The following DLGAP2 variants were observed in gnomAD, a reference collection of about 807,000 sequenced individuals.
The protein encoded by DLGAP2 is disks large-associated protein 2.
Under a neutral mutation model 100.3 loss-of-function variants are expected in DLGAP2, and 26 were observed. The observed-to-expected ratio is 0.26, with a 90% CI of 0.19 to 0.36. The LOEUF (loss-of-function observed/expected upper bound fraction) is 0.36, where lower values mean the gene tolerates loss of function less well. Ranked by LOEUF, DLGAP2 falls within the 10% of genes least tolerant of loss-of-function variation. DLGAP2 has a pLI of 1.00. For synonymous variants in DLGAP2, 886 were observed against 630.1 expected (o/e 1.41, Z -6.08); for missense variants, 1,858 against 1,453.2 (o/e 1.28, Z -4.53).
At chr8:739,682 G>T (rs891703622) in intron 1 of DLGAP2, 1 of 152,236 alleles carries the variant, frequency 6.6e-6, no homozygotes, top group African/African-American at 2.4e-5. Flanking sequence ...TAGCCAAATT[G>T]TCTTGTGCCG....
intron 2 of DLGAP2, among the ~76,000 whole-genome samples, chr8:1,216,704 A>G (rs1798221052): frequency 6.6e-6 from 1 of 151,970 alleles, no homozygotes; most frequent in Non-Finnish European, 1.5e-5. Context: ...ATACGATCTC[A>G]TATTACCTAG....
intron 7 of DLGAP2, among the ~76,000 whole-genome samples, chr8:1,630,811 G>T (rs1797622845): frequency 1.3e-5 from 2 of 152,240 alleles, no homozygotes; most frequent in Middle Eastern, 6.8e-3. Flanking sequence ...TTATGTCCAT[G>T]CCGTTTCCTC....
intron 3 of DLGAP2, among the ~76,000 whole-genome samples, chr8:1,436,828 G>A (rs1197761970): frequency 1.3e-5 from 2 of 152,120 alleles, no homozygotes; most frequent in East Asian, 1.9e-4. Context: ...CTCTGCAGAC[G>A]TACCATTTTT....
At chr8:1,535,461 G>C (rs533092120) in intron 4 of DLGAP2, among the ~76,000 whole-genome samples, 36 of 152,330 alleles carry the variant, frequency 2.4e-4, no homozygotes, top group African/African-American at 8.4e-4. Flanking sequence ...TTACGGGGCT[G>C]AGTGTGTCGA....
At chr8:1,290,746 T>G (rs925885180) in intron 3 of DLGAP2, among the ~76,000 whole-genome samples, 1 of 152,206 alleles carries the variant, frequency 6.6e-6, no homozygotes, top group Non-Finnish European at 1.5e-5. Flanking sequence ...GTAGTTAAAA[T>G]GCTAAAATGC....
chr8:1,506,376 G>A (rs1799914025), intron 4 of DLGAP2, among the ~76,000 whole-genome samples: 2 of 152,178 alleles, frequency 1.3e-5, no homozygotes, highest in Non-Finnish European at 2.9e-5. Flanking sequence ...TGAAGCTGTG[G>A]ACCTTTTGGG....
At chr8:1,163,735 A>G (rs1386156675) in intron 2 of DLGAP2, among the ~76,000 whole-genome samples, 1 of 152,120 alleles carries the variant, frequency 6.6e-6, no homozygotes, top group Non-Finnish European at 1.5e-5. Context: ...TGTTGGTGGG[A>G]GTAACGCGGC....
At chr8:976,465 A>G (rs1800166131) in intron 2 of DLGAP2, among the ~76,000 whole-genome samples, 1 of 152,140 alleles carries the variant, frequency 6.6e-6, no homozygotes, top group Non-Finnish European at 1.5e-5. Context: ...CAAAAAAATT[A>G]GCTGGGCGTG....
chr8:869,022 G>A (rs1431371760), intron 1 of DLGAP2, among the ~76,000 whole-genome samples: 1 of 152,206 alleles, frequency 6.6e-6, no homozygotes, highest in Non-Finnish European at 1.5e-5. Flanking sequence ...AGGCTGCCGG[G>A]TTTCTCCACA....
At chr8:1,454,127 T>C (rs1798239384) in intron 3 of DLGAP2, among the ~76,000 whole-genome samples, 2 of 152,196 alleles carry the variant, frequency 1.3e-5, no homozygotes, top group Admixed American at 1.3e-4. Context: ...TTTGAGAATG[T>C]TTTCTGGGCT....
At chr8:1,515,334 C>T (rs1800330396) in intron 4 of DLGAP2, among the ~76,000 whole-genome samples, 1 of 152,214 alleles carries the variant, frequency 6.6e-6, no homozygotes, top group Admixed American at 6.5e-5. Flanking sequence ...GAAAAGGAGT[C>T]CTCTCCCTTC....
At chr8:905,902 C>A (rs1047068512) in intron 1 of DLGAP2, among the ~76,000 whole-genome samples, 1 of 149,818 alleles carries the variant, frequency 6.7e-6, no homozygotes, top group Admixed American at 6.8e-5. Context: ...GTGATAGAGA[C>A]GTGGCTGAGA....
At chr8:1,357,267 G>A (rs931034864) in intron 3 of DLGAP2, among the ~76,000 whole-genome samples, 2 of 152,018 alleles carry the variant, frequency 1.3e-5, no homozygotes, top group Non-Finnish European at 2.9e-5. Context: ...CTCGGAGAAG[G>A]GGTGTCCTTC....
intron 1 of DLGAP2, among the ~76,000 whole-genome samples, chr8:898,119 A>C (rs190296909): frequency 3.3e-5 from 5 of 152,334 alleles, no homozygotes; most frequent in Admixed American, 3.3e-4. Flanking sequence ...TACCCGTACA[A>C]GTGGGCAGTA....
chr8:1,678,051 C>G (rs71518085), intron 11 of DLGAP2, among the ~76,000 whole-genome samples, 163 bp from the exon 12 acceptor site: 5 of 152,312 alleles, frequency 3.3e-5, no homozygotes, highest in Admixed American at 2.0e-4. Flanking sequence ...AAATGTTCTT[C>G]CACAGACAAA....
intron 1 of DLGAP2, among the ~76,000 whole-genome samples, chr8:869,019 C>T (rs546222009): frequency 2.4e-4 from 36 of 152,328 alleles, no homozygotes; most frequent in South Asian, 8.3e-4. Context: ...AAAAGGCTGC[C>T]GGGTTTCTCC....
intron 1 of DLGAP2, among the ~76,000 whole-genome samples, chr8:806,170 G>T (rs899438723): frequency 2.0e-5 from 3 of 152,154 alleles, no homozygotes. Context: ...TTGACTAATC[G>T]GATTGACTTG....
At chr8:1,613,864 C>G (rs1187568878) in intron 6 of DLGAP2, among the ~76,000 whole-genome samples, 1 of 152,252 alleles carries the variant, frequency 6.6e-6, no homozygotes, top group African/African-American at 2.4e-5. Context: ...GAAAGATTAG[C>G]AAATTGAATT....
At chr8:1,493,771 T>G (rs925884806) in intron 3 of DLGAP2, among the ~76,000 whole-genome samples, 1 of 152,140 alleles carries the variant, frequency 6.6e-6, no homozygotes, top group African/African-American at 2.4e-5. Flanking sequence ...GTAGAGAAGC[T>G]GGGGCGGGCG....
Sources: gnomAD v4.1 joint callset for allele counts (sites outside exome capture counted in the v4.1 genomes callset) on GRCh38, gnomAD v4.1.1 for gene constraint, MANE v1.5 for transcripts, NCBI Gene and HGNC (gene_info 2026-07-23, HGNC 2026-07-21) for gene names.